Variants in DIP2C observed in about 807,000 individuals in gnomAD.
DIP2C encodes DIP2 acetate--CoA ligase C (putative).
In DIP2C, 33 loss-of-function variants were observed where a neutral mutation model predicts 192.4. That is an observed-to-expected ratio of 0.17 (90% CI 0.13 to 0.23). The LOEUF (loss-of-function observed/expected upper bound fraction) is 0.23. Among genes scored for constraint, DIP2C ranks in the 10% least tolerant of loss-of-function variants. The pLI, the probability that DIP2C is intolerant of heterozygous loss-of-function variation, is 1.00. For missense variants in DIP2C, 1,537 were observed against 2,110.1 expected, an observed-to-expected ratio of 0.73 and a Z score of 5.32; for synonymous variants, 979 against 864.1, an observed-to-expected ratio of 1.13 and a Z score of -2.33.
At chr10:305,570 G>A (rs538728054) in intron 32 of DIP2C, among the ~76,000 whole-genome samples, 85 of 152,196 alleles carry the variant, frequency 5.6e-4, no homozygotes, top group African/African-American at 2.0e-3. Flanking sequence ...TTACAAGCCC[G>A]GAGGAAGCTA....
At chr10:427,820 A>G (rs897677977) in intron 4 of DIP2C, among the ~76,000 whole-genome samples, 1 of 152,244 alleles carries the variant, frequency 6.6e-6, no homozygotes, top group Non-Finnish European at 1.5e-5. Context: ...GGCAGTATGT[A>G]AAATGGTACA....
At chr10:379,496 C>T (rs1421682014) in intron 17 of DIP2C, among the ~76,000 whole-genome samples, 1 of 152,134 alleles carries the variant, frequency 6.6e-6, no homozygotes, top group East Asian at 1.9e-4. Context: ...AGGCCCTGGA[C>T]CTTGACGCCT....
chr10:538,164 G>C (rs956391337), intron 1 of DIP2C, among the ~76,000 whole-genome samples: 2 of 152,068 alleles, frequency 1.3e-5, no homozygotes, highest in Non-Finnish European at 2.9e-5. Flanking sequence ...TGCTTCCCGA[G>C]GAGTTTTCTT....
intron 1 of DIP2C, among the ~76,000 whole-genome samples, chr10:677,845 C>A (rs1830926641): frequency 6.6e-6 from 1 of 152,244 alleles, no homozygotes; most frequent in Admixed American, 6.5e-5. Context: ...CCCAGAAGTG[C>A]CACAGACAGG....
intron 1 of DIP2C, among the ~76,000 whole-genome samples, chr10:633,518 G>A (rs1057406643): frequency 6.8e-6 from 1 of 146,784 alleles, no homozygotes; most frequent in South Asian, 2.1e-4. Context: ...GCCTCCGGCC[G>A]GTGCCCACTG....
intron 3 of DIP2C, among the ~76,000 whole-genome samples, chr10:460,887 T>TG (rs1346238039): frequency 6.6e-6 from 1 of 151,766 alleles, no homozygotes; most frequent in African/African-American, 2.4e-5. Context: ...CAGAAGAGAG[T>TG]GGGGGCCAAT....
At chr10:313,637 A>G (rs1008450158) in intron 31 of DIP2C, among the ~76,000 whole-genome samples, 17 of 152,166 alleles carry the variant, frequency 1.1e-4, no homozygotes, top group Non-Finnish European at 4.4e-5. Context: ...ATGCTGCGCC[A>G]TTTTCCAGCA....
intron 1 of DIP2C, among the ~76,000 whole-genome samples, chr10:533,043 T>G (rs1847509217): frequency 6.6e-6 from 1 of 152,130 alleles, no homozygotes; most frequent in East Asian, 1.9e-4. Context: ...TCTTAAACTA[T>G]TACTGAGTTT....
At chr10:502,343 T>C (rs1372554643) in intron 1 of DIP2C, among the ~76,000 whole-genome samples, 1 of 152,118 alleles carries the variant, frequency 6.6e-6, no homozygotes, top group Non-Finnish European at 1.5e-5. Context: ...CCATGAGTGT[T>C]CAAAGGAAAA....
At chr10:471,537 T>G (rs951716973) in intron 3 of DIP2C, among the ~76,000 whole-genome samples, 2 of 152,108 alleles carry the variant, frequency 1.3e-5, no homozygotes, top group African/African-American at 4.8e-5. Flanking sequence ...TCATGAAAGC[T>G]CCATGTGAGA....
chr10:362,811 A>G, intron 21 of DIP2C, 120 bp from the exon 22 acceptor site: 1 of 1,145,312 alleles, frequency 8.7e-7, no homozygotes, highest in East Asian at 2.6e-5. Context: ...CACTGTTCCC[A>G]GCATAAAAAT....
chr10:596,851 C>G (rs1851739178), intron 1 of DIP2C, among the ~76,000 whole-genome samples: 3 of 152,220 alleles, frequency 2.0e-5, no homozygotes, highest in Admixed American at 6.5e-5. Context: ...CAAAGACACC[C>G]AGAACCACAC....
At chr10:563,125 C>T (rs1316837281) in intron 1 of DIP2C, among the ~76,000 whole-genome samples, 3 of 152,268 alleles carry the variant, frequency 2.0e-5, no homozygotes, top group South Asian at 2.1e-4. Flanking sequence ...GAAGTCAGGG[C>T]CTTATCATAA....
Position 414,739 on chromosome 10 carries a change from G to GTGTATATATATATATATATATATATA in DIP2C, c.860-630_860-629insTATATATATATATATATATATATACA. On this transcript the variant is annotated intron_variant, in intron 7 of 36. Coordinates refer to ENST00000280886, the MANE Select transcript of DIP2C (RefSeq NM_014974.3). ...TGTGTGTGTGTGTGTGTGTGTGTGT[G>GTGTATATATATATATATATATATATA]TACATATATATATATATAATGTGTA... 1.8e-3 allele frequency among the ~76,000 whole-genome samples: 166 copies of GTGTATATATATATATATATATATATA among 90,484 alleles called. 6 individuals carry two copies. The highest frequency in any genetic ancestry group is 0.013 in the Middle Eastern group (2 of 156). The allele number at this position is 90,484 out of a possible 152,430, so 59.4% of individuals were successfully genotyped here.
chr10:437,135 G>T (rs1315254045), intron 4 of DIP2C, among the ~76,000 whole-genome samples: 1 of 110,570 alleles, frequency 9.0e-6, no homozygotes, highest in Non-Finnish European at 1.8e-5. Context: ...GTCCACACCT[G>T]AGCTCTGAGC....
rs370687969 is a variant in DIP2C, at chr10:496,346, G to A, written c.86-9816C>T. ...ACACAGAACCAATGCATGCCCTCCC[G>A]TGTACTTAAAATCCCTACATTACTC... On this transcript the variant is annotated intron_variant, in intron 1 of 36. Coordinates refer to ENST00000280886, the MANE Select transcript of DIP2C (RefSeq NM_014974.3). Among the ~76,000 whole-genome samples, 45 of 134,896 alleles carry A rather than the reference G, an allele frequency of 3.3e-4. 2 individuals are homozygous for A. In the East Asian group the frequency reaches 6.6e-3, roughly 20 times the overall value. 88.5% of individuals were successfully genotyped at this position (134,896 alleles called of 152,430 possible).
chr10:349,091 G>A (rs1222765634), intron 25 of DIP2C, among the ~76,000 whole-genome samples: 1 of 152,212 alleles, frequency 6.6e-6, no homozygotes, highest in Non-Finnish European at 1.5e-5. Context: ...CACAAATTTG[G>A]ATATAAAAGT....
intron 1 of DIP2C, among the ~76,000 whole-genome samples, chr10:618,286 G>A (rs1325061566): frequency 6.6e-6 from 1 of 152,178 alleles, no homozygotes; most frequent in East Asian, 1.9e-4. Flanking sequence ...TCTGGCATTA[G>A]ATGACCAAAG....
At chr10:615,629 G>T (rs61495648) in intron 1 of DIP2C, among the ~76,000 whole-genome samples, 13 of 151,424 alleles carry the variant, frequency 8.6e-5, no homozygotes, top group African/African-American at 3.2e-4. Context: ...ACACACACCC[G>T]CCCCACACAC....
Sources: gnomAD v4.1 joint callset for allele counts (sites outside exome capture counted in the v4.1 genomes callset) on GRCh38, gnomAD v4.1.1 for gene constraint, MANE v1.5 for transcripts, NCBI Gene and HGNC (gene_info 2026-07-23, HGNC 2026-07-21) for gene names.